The following KIF14 variants were observed in gnomAD, a reference collection of about 807,000 sequenced individuals.
The protein encoded by KIF14 is kinesin family member 14.
KIF14 carries 98 observed loss-of-function variants against 176.2 expected under a neutral mutation model. That is an observed-to-expected ratio of 0.56 (90% CI 0.47 to 0.66). The LOEUF (loss-of-function observed/expected upper bound fraction) is 0.66, where lower values mean the gene tolerates loss of function less well. Among genes scored for constraint, KIF14 ranks in the 30% least tolerant of loss-of-function variants. KIF14 has a pLI of 0.00. For synonymous variants in KIF14, 566 were observed against 632.2 expected, an observed-to-expected ratio of 0.90 and a Z score of 1.57; for missense variants, 1,751 against 1,920.4, an observed-to-expected ratio of 0.91 and a Z score of 1.65.
chr1:200,573,016 A>G (rs762393969), intron 22 of KIF14, among the ~76,000 whole-genome samples: 4 of 152,204 alleles, frequency 2.6e-5, no homozygotes, highest in African/African-American at 7.2e-5. Flanking sequence ...CTTATTCAAT[A>G]TATATTAAGC....
intron 14 of KIF14, among the ~76,000 whole-genome samples, chr1:200,597,067 T>A (rs1197834014): frequency 1.3e-5 from 2 of 151,208 alleles, no homozygotes; most frequent in African/African-American, 4.9e-5. Flanking sequence ...CCCAGAAAAT[T>A]TTTTGTATTT....
intron 23 of KIF14, among the ~76,000 whole-genome samples, chr1:200,569,635 T>G (rs1225246878): frequency 6.6e-6 from 1 of 152,238 alleles, no homozygotes; most frequent in Non-Finnish European, 1.5e-5. Flanking sequence ...GCACTTTGCT[T>G]CCTTTCACTT....
chr1:200,560,677 T>G, intron 26 of KIF14, 45 bp downstream of exon 26: 1 of 1,595,640 alleles, frequency 6.3e-7, no homozygotes, highest in Non-Finnish European at 8.6e-7. Context: ...AAAAGTCTAA[T>G]GTTCCCTCAG....
chr1:200,565,557 A>T lies in KIF14; in HGVS notation c.3774T>A (p.Asp1258Glu). Reference protein sequence around the residue: ...SSLDFFGQSYDEERTIADSLI... With the variant: ...SSLDFFGQSYEEERTIADSLI... ...GGCTGTCTGCTATAGTTCTTTCTTC[A>T]TCATAACTCTGTCCAAAAAAATCTA... Residue 1258 changes from aspartate (D) to glutamate (E), a missense_variant, in exon 24 of 30, where the codon GAT (aspartate) becomes GAA (glutamate). Coordinates refer to ENST00000367350, the MANE Select transcript of KIF14 (RefSeq NM_014875.3). The T allele has an allele frequency of 6.2e-7, 1 of 1,611,600 alleles. No individual in the cohort carries two copies. The highest frequency in any genetic ancestry group is 8.5e-7 in the Non-Finnish European group (1 of 1,179,384).
At chr1:200,557,958 TTTTG>T (rs1009628890) in intron 27 of KIF14, among the ~76,000 whole-genome samples, 1 of 152,026 alleles carries the variant, frequency 6.6e-6, no homozygotes. Flanking sequence ...CAGGGGTGGT[TTTTG>T]TTTGTTTGTT....
rs1656544758 is a variant in KIF14, at chr1:200,551,774, C to T, written c.*1614G>A. On this transcript the variant is annotated 3_prime_UTR_variant, in exon 30 of 30. Transcript: ENST00000367350. ...TTAGGAAGTTCTTCAAAGAAGTGCA[C>T]CTCCCGGGAAATCCTCATATGTACA... 6.6e-6 allele frequency: 1 copy of T among 152,074 alleles called. No individual in the cohort carries two copies. Among genetic ancestry groups the T allele is most frequent in the Admixed American group, 6.6e-5 (1 of 15,258 alleles). 9.4% of individuals were successfully genotyped at this position (152,074 alleles called of 1,614,324 possible). A position where few individuals can be genotyped will look rare whatever the true frequency, so the allele number is the denominator to read the frequency against.
At chr1:200,571,568 T>C (rs1159638893) in intron 22 of KIF14, among the ~76,000 whole-genome samples, 1 of 152,204 alleles carries the variant, frequency 6.6e-6, no homozygotes, top group Non-Finnish European at 1.5e-5. Context: ...GTATTTTTCC[T>C]AACAGAACTC....
At chr1:200,597,838 A>G (rs1659429381) in intron 14 of KIF14, among the ~76,000 whole-genome samples, 1 of 152,260 alleles carries the variant, frequency 6.6e-6, no homozygotes. Flanking sequence ...ATACGCTATC[A>G]TTCCAACAAT....
chr1:200,612,194 G>A (rs941171760), intron 4 of KIF14, among the ~76,000 whole-genome samples: 1 of 151,924 alleles, frequency 6.6e-6, no homozygotes, highest in African/African-American at 2.4e-5. Context: ...GTAGAGACAG[G>A]GATTCACCAT....
At chr1:200,589,396 C>A (rs1470197458) in intron 17 of KIF14, 27 bp from the exon 18 acceptor site, 1 of 1,567,278 alleles carries the variant, frequency 6.4e-7, no homozygotes, top group South Asian at 1.2e-5. Context: ...TAAAAAATAT[C>A]TCAGGCAAAA....
chr1:200,611,422 G>A (rs1450792212), intron 4 of KIF14, among the ~76,000 whole-genome samples: 1 of 152,136 alleles, frequency 6.6e-6, no homozygotes, highest in Non-Finnish European at 1.5e-5. Context: ...TCATGAGAGA[G>A]AAACAAAACA....
intron 27 of KIF14, among the ~76,000 whole-genome samples, chr1:200,557,943 A>T (rs539513975): frequency 3.9e-5 from 6 of 152,284 alleles, no homozygotes; most frequent in Admixed American, 2.6e-4. Context: ...GAGCAATGGA[A>T]TGGACAGGGG....
intron 21 of KIF14, among the ~76,000 whole-genome samples, chr1:200,579,533 C>T (rs572460009): frequency 4.1e-4 from 62 of 151,760 alleles, no homozygotes; most frequent in East Asian, 2.5e-3. Context: ...CGCTTGAACC[C>T]GGGAGGCGGA....
At position 200,602,083 on chromosome 1, in the gene KIF14, G is replaced by A. The variant is rs554218669; in HGVS notation, c.1980-15C>T. 2 of 1,604,502 alleles carry A rather than the reference G, an allele frequency of 1.2e-6. No homozygotes were observed. Among genetic ancestry groups the A allele is most frequent in the East Asian group, 2.2e-5 (1 of 44,784 alleles). ...CTTTTAACAGCCTACAAGAAAAAAA[G>A]TCATAAGACTTTGCTTCTACAACAA... On this transcript the variant is annotated splice_polypyrimidine_tract_variant and intron_variant, in intron 10 of 29. Coordinates refer to ENST00000367350, the MANE Select transcript of KIF14 (RefSeq NM_014875.3).
chr1:200,590,076 T>G, intron 17 of KIF14, 49 bp downstream of exon 17: 1 of 1,554,622 alleles, frequency 6.4e-7, no homozygotes. Context: ...AACACATCAC[T>G]TGGGGTACAC....
At chr1:200,581,143 A>G (rs1658427752) in intron 20 of KIF14, 58 bp downstream of exon 20, 2 of 864,224 alleles carry the variant, frequency 2.3e-6, no homozygotes, top group Non-Finnish European at 3.6e-6. Context: ...AGAGAAACTA[A>G]ATGATATAAA....
chr1:200,590,631 G>A (rs911865509), intron 16 of KIF14, among the ~76,000 whole-genome samples: 1 of 152,242 alleles, frequency 6.6e-6, no homozygotes, highest in African/African-American at 2.4e-5. Context: ...ATCACAGCTA[G>A]GGAGAGAGGA....
At chr1:200,582,619 G>A (rs1394053786) in intron 19 of KIF14, among the ~76,000 whole-genome samples, 1 of 152,134 alleles carries the variant, frequency 6.6e-6, no homozygotes, top group African/African-American at 2.4e-5. Context: ...GGAGACCAAG[G>A]CCGGTGGATC....
At position 200,618,210 on chromosome 1, in the gene KIF14, T is replaced by G. The variant is rs747511012; in HGVS notation, c.514A>C (p.Asn172His). 6.2e-7 allele frequency: 1 copy of G among 1,614,032 alleles called. No individual in the cohort carries two copies. Among genetic ancestry groups the G allele is most frequent in the Non-Finnish European group, 8.5e-7 (1 of 1,180,024 alleles). The change falls in exon 2 of 30, where the codon AAC becomes CAC. Residue 172 changes from asparagine (N) to histidine (H), a missense_variant. Transcript: ENST00000367350. ...TNVRIVNNAK[N>H]SFVASSVPLD... ...GGTACAGAAGAGGCAACAAAAGAGT[T>G]TTTAGCATTATTTACAATCCTTACA...
Sources: allele counts gnomAD v4.1 joint callset (sites outside exome capture counted in the v4.1 genomes callset), GRCh38; gene constraint gnomAD v4.1.1; transcripts MANE v1.5; gene names NCBI Gene and HGNC (gene_info 2026-07-23, HGNC 2026-07-21).